Variants in ARHGEF4 observed in about 807,000 individuals in gnomAD.
ARHGEF4 encodes APC-stimulated guanine nucleotide exchange factor 1.
Under a neutral mutation model 162.0 loss-of-function variants are expected in ARHGEF4, and 119 were observed. The ratio of observed to expected loss-of-function variants is 0.73; its 90% confidence interval spans 0.63 to 0.86. The LOEUF (loss-of-function observed/expected upper bound fraction) is 0.86, where lower values mean the gene tolerates loss of function less well. Ranked by LOEUF, ARHGEF4 falls within the 40% of genes least tolerant of loss-of-function variation. The pLI is 0.00. For missense variants in ARHGEF4, 2,488 were observed against 2,456.0 expected, an observed-to-expected ratio of 1.01 and a Z score of -0.28; for synonymous variants, 1,014 against 979.9, an observed-to-expected ratio of 1.03 and a Z score of -0.65.
At chr2:130,884,778 C>G (rs1416362491) in intron 1 of ARHGEF4, among the ~76,000 whole-genome samples, 1 of 152,108 alleles carries the variant, frequency 6.6e-6, no homozygotes, top group African/African-American at 2.4e-5. Context: ...CCAGGGCCAG[C>G]AGAATGTTGC....
intron 3 of ARHGEF4, among the ~76,000 whole-genome samples, chr2:130,940,685 G>T (rs1683233979): frequency 6.7e-6 from 1 of 150,208 alleles, no homozygotes; most frequent in Admixed American, 6.6e-5. Context: ...AAAAAAATTA[G>T]CCGGGCGTGG....
intron 5 of ARHGEF4, among the ~76,000 whole-genome samples, chr2:131,030,254 T>G (rs1689760906): frequency 6.6e-6 from 1 of 151,950 alleles, no homozygotes; most frequent in Non-Finnish European, 1.5e-5. Flanking sequence ...TTTTTTGGGC[T>G]CTGAGTTCCT....
chr2:130,918,835 G>C lies in ARHGEF4; in HGVS notation c.3552+1337G>C, dbSNP rs1435588716. 3.3e-5 allele frequency among the ~76,000 whole-genome samples: 5 copies of C among 152,300 alleles called. No homozygotes were observed. In the South Asian group the frequency reaches 8.3e-4, roughly 25 times the overall value. On this transcript the variant is annotated intron_variant, in intron 2 of 13. Coordinates refer to ENST00000409359, the MANE Select transcript of ARHGEF4 (RefSeq NM_001367493.1). ...CACTAAAGGTTTTTTGTTGTTTTGG[G>C]GGGAGGGTTACTTTTTTTCGTTACT...
At position 130,945,436 on chromosome 2, in the gene ARHGEF4, G is replaced by A. The variant is rs192941321; in HGVS notation, c.3859-1073G>A. Among the ~76,000 whole-genome samples, 7 of 152,172 alleles carry A rather than the reference G, an allele frequency of 4.6e-5. No individual in the cohort carries two copies. The East Asian group carries it at 1.2e-3, about 25-fold the overall frequency. ...CCCTCAGAATTTTAGATGTCTGCAC[G>A]ACCACCACTGCCATTACCATAATGA... On this transcript the variant is annotated intron_variant, in intron 3 of 13. Coordinates refer to ENST00000409359, the MANE Select transcript of ARHGEF4 (RefSeq NM_001367493.1).
chr2:131,031,219 G>A (rs1043577639), intron 5 of ARHGEF4, among the ~76,000 whole-genome samples: 5 of 152,158 alleles, frequency 3.3e-5, no homozygotes, highest in African/African-American at 9.7e-5. Flanking sequence ...ACAAGAAAGG[G>A]TCACAATTTA....
Position 130,921,272 on chromosome 2 carries a change from C to T in ARHGEF4, c.3552+3774C>T, listed in dbSNP as rs143925299. 3.1e-3 allele frequency among the ~76,000 whole-genome samples: 474 copies of T among 152,232 alleles called. 1 individual carries two copies. The highest frequency in any genetic ancestry group is 5.0e-3 in the Non-Finnish European group (342 of 67,994). Reference sequence around the variant, plus strand: ...ATCCTAGCACTTTGGGAGGCAGGGGCGGGCGGATCACGAGGTCAGGAGATC... The same window carrying T: ...ATCCTAGCACTTTGGGAGGCAGGGGTGGGCGGATCACGAGGTCAGGAGATC... On this transcript the variant is annotated intron_variant, in intron 2 of 13. Transcript: ENST00000409359.
At position 130,918,090 on chromosome 2, in the gene ARHGEF4, T is replaced by C. The variant is rs896778621; in HGVS notation, c.3552+592T>C. On this transcript the variant is annotated intron_variant, in intron 2 of 13. Coordinates refer to ENST00000409359, the MANE Select transcript of ARHGEF4 (RefSeq NM_001367493.1). ...CCGCCTCGGCCGGCACTGCCCATTT[T>C]CTATTGAACGGTCTGTGCAGGCTTT... Among the ~76,000 whole-genome samples the C allele has an allele frequency of 3.9e-5, 6 of 152,314 alleles. No individual in the cohort carries two copies. In the East Asian group the frequency reaches 1.2e-3, roughly 29 times the overall value.
At chr2:131,043,755 C>T (rs1290967804) in intron 11 of ARHGEF4, 172 bp downstream of exon 11, 4 of 807,684 alleles carry the variant, frequency 5.0e-6, no homozygotes, top group Non-Finnish European at 7.6e-6. Context: ...CCTGGTGGCC[C>T]AGGAGCAGCA....
In ARHGEF4 at chr2:130,949,759, C is replaced by T. The variant is rs566590679; in HGVS notation, c.3985+3124C>T. Among the ~76,000 whole-genome samples the T allele has an allele frequency of 1.1e-4, 16 of 152,330 alleles. 1 individual carries two copies. Among genetic ancestry groups the T allele is most frequent in the African/African-American group, 3.6e-4 (15 of 41,572 alleles). On this transcript the variant is annotated intron_variant, in intron 4 of 13. Coordinates refer to ENST00000409359, the MANE Select transcript of ARHGEF4 (RefSeq NM_001367493.1). The stretch of plus-strand genomic sequence containing the variant: ...CCACTTCCTGGGTTCAAGCAATTCT[C>T]CTGCCTCAGCCCCCAAGTAGCTGGG...
At chr2:131,024,641 G>A (rs1689356411) in intron 4 of ARHGEF4, among the ~76,000 whole-genome samples, 1 of 152,222 alleles carries the variant, frequency 6.6e-6, no homozygotes, top group African/African-American at 2.4e-5. Context: ...GTGGATTGCA[G>A]TTTGTTTTAG....
chr2:130,899,593 G>C (rs188355000), intron 1 of ARHGEF4, among the ~76,000 whole-genome samples: 259 of 152,346 alleles, frequency 1.7e-3, no homozygotes, highest in African/African-American at 6.0e-3. Context: ...GCAGACGGGA[G>C]AGCCGCCAAA....
intron 1 of ARHGEF4, among the ~76,000 whole-genome samples, chr2:130,870,922 A>G (rs943567385): frequency 1.3e-5 from 2 of 152,118 alleles, no homozygotes; most frequent in Non-Finnish European, 2.9e-5. Flanking sequence ...CAGCTCTCCT[A>G]GATCTAAGTG....
intron 3 of ARHGEF4, among the ~76,000 whole-genome samples, chr2:130,937,375 C>A (rs971258100): frequency 1.3e-5 from 2 of 152,100 alleles, no homozygotes; most frequent in African/African-American, 4.8e-5. Flanking sequence ...TCCACTGATT[C>A]TTTTTTCTGC....
At chr2:130,911,718 T>G (rs1681198028) in intron 1 of ARHGEF4, among the ~76,000 whole-genome samples, 1 of 152,180 alleles carries the variant, frequency 6.6e-6, no homozygotes, top group Non-Finnish European at 1.5e-5. Context: ...TCATTGAGAC[T>G]GAGGGAGGCC....
chr2:130,864,453 G>A (rs1229493271), intron 1 of ARHGEF4, among the ~76,000 whole-genome samples: 2 of 151,520 alleles, frequency 1.3e-5, no homozygotes, highest in Non-Finnish European at 2.9e-5. Context: ...GGCCAGGCAC[G>A]CTGGCTCACG....
chr2:130,953,235 G>C (rs576881642), intron 4 of ARHGEF4, among the ~76,000 whole-genome samples: 3 of 152,110 alleles, frequency 2.0e-5, no homozygotes, highest in East Asian at 3.9e-4. Flanking sequence ...CAGAACAGAG[G>C]CCTCAGAAAT....
At chr2:131,005,516 G>T (rs561606425) in intron 4 of ARHGEF4, among the ~76,000 whole-genome samples, 2 of 152,166 alleles carry the variant, frequency 1.3e-5, no homozygotes, top group Non-Finnish European at 2.9e-5. Flanking sequence ...CGCCTCTGGG[G>T]GTCATTTACT....
chr2:131,045,816 C>G (rs1246381626), intron 13 of ARHGEF4: 109 of 1,431,678 alleles, frequency 7.6e-5, no homozygotes, highest in Non-Finnish European at 8.8e-5. Context: ...AGGCCACCCC[C>G]CTCTTCAGGC....
At position 130,885,541 on chromosome 2, in the gene ARHGEF4, A is replaced by T. The variant is rs141872771; in HGVS notation, c.40-28445A>T. On this transcript the variant is annotated intron_variant, in intron 1 of 13. Coordinates refer to ENST00000409359, the MANE Select transcript of ARHGEF4 (RefSeq NM_001367493.1). The stretch of plus-strand genomic sequence containing the variant: ...AGGGGGGTGAGGGCATATTCAAACC[A>T]TAGCACTCTCTTTTTTCTTATTCTT... 4.5e-3 allele frequency among the ~76,000 whole-genome samples: 663 copies of T among 146,208 alleles called. 11 individuals are homozygous for T. Among genetic ancestry groups the T allele is most frequent in the African/African-American group, 0.016 (623 of 39,276 alleles).
Sources: gnomAD v4.1 joint callset for allele counts (sites outside exome capture counted in the v4.1 genomes callset) on GRCh38, gnomAD v4.1.1 for gene constraint, MANE v1.5 for transcripts, NCBI Gene and HGNC (gene_info 2026-07-23, HGNC 2026-07-21) for gene names.